ZNF770: variants seen among roughly 807,000 people sequenced by gnomAD.
The protein encoded by ZNF770 is zinc finger protein 770.
In ZNF770, 13 loss-of-function variants were observed where a neutral mutation model predicts 44.8. The ratio of observed to expected loss-of-function variants is 0.29; its 90% CI spans 0.19 to 0.46. ZNF770 has a LOEUF of 0.46. Ranked by LOEUF, ZNF770 falls within the 20% of genes least tolerant of loss-of-function variation. ZNF770 has a pLI of 1.00. For missense variants in ZNF770, 681 were observed against 797.9 expected (o/e 0.85, Z 1.77); for synonymous variants, 304 against 271.8 (o/e 1.12, Z -1.17).
rs1422932651 is a variant in ZNF770, at chr15:34,979,200, A to G, written c.*2159T>C. On this transcript the variant is annotated 3_prime_UTR_variant, in exon 3 of 3. Transcript: ENST00000356321. ...TAAAGTCTCAGAATCATACAAGCAC[A>G]ACACTGTTAGGACTCTCCCTGTTTA... The G allele has an allele frequency of 1.9e-5, 3 of 154,112 alleles. No individual in the cohort carries two copies. Among genetic ancestry groups the G allele is most frequent in the African/African-American group, 7.2e-5 (3 of 41,466 alleles). The allele number at this position is 154,112 out of a possible 1,614,324, so 9.5% of individuals were successfully genotyped here. A position where few individuals can be genotyped will look rare whatever the true frequency, so the allele number is the denominator to read the frequency against.
At position 34,983,240 on chromosome 15, in the gene ZNF770, T is replaced by C. The variant is rs148390832; in HGVS notation, c.195A>G (p.Arg65=). 917 of 1,613,054 alleles carry C rather than the reference T, an allele frequency of 5.7e-4. No individual in the cohort carries two copies. The highest frequency in any genetic ancestry group is 6.9e-4 in the Non-Finnish European group (819 of 1,179,220). The change falls in exon 3 of 3, where the codon AGA becomes AGG. Residue 65 remains arginine (R), a synonymous_variant. Transcript: ENST00000356321. ...GATGCCTCTCCAGATGAACTAGTTG[T>C]CTAAAGGTTTTATGACACACATCAC... ...FECDVCHKTF[R]QLVHLERHQL...
chr15:34,986,549 C>T (rs1289847286), intron 2 of ZNF770, among the ~76,000 whole-genome samples: 1 of 152,166 alleles, frequency 6.6e-6, no homozygotes, highest in Non-Finnish European at 1.5e-5. Flanking sequence ...ATGAGTCAAA[C>T]CAAAAGTAAT....
At position 34,981,122 on chromosome 15, in the gene ZNF770, T is replaced by C; in HGVS notation, c.*237A>G. ...ATACAGCCAAAGTATATGTTTACAA[T>C]ATTAAAATGCCTACTTTATAGCATC... On this transcript the variant is annotated 3_prime_UTR_variant, in exon 3 of 3. Transcript: ENST00000356321. 2.0e-6 allele frequency: 1 copy of C among 490,526 alleles called. No individual in the cohort carries two copies. Among genetic ancestry groups the C allele is most frequent in the Non-Finnish European group, 3.6e-6 (1 of 279,050 alleles). 30.4% of individuals were successfully genotyped at this position (490,526 alleles called of 1,614,324 possible).
At chr15:34,984,880 C>T (rs2050424181) in intron 2 of ZNF770, among the ~76,000 whole-genome samples, 1 of 152,050 alleles carries the variant, frequency 6.6e-6, no homozygotes, top group South Asian at 2.1e-4. Flanking sequence ...CACCTGTAAT[C>T]CCAGCACTTT....
At chr15:34,983,812 A>C (rs2050417847) in intron 2 of ZNF770, among the ~76,000 whole-genome samples, 1 of 152,230 alleles carries the variant, frequency 6.6e-6, no homozygotes, top group South Asian at 2.1e-4. Context: ...CTATTTCATT[A>C]TTAGGTAGAT....
rs1436709079 is a variant in ZNF770, at chr15:34,980,632, C to A, written c.*727G>T. 6.6e-6 allele frequency: 1 copy of A among 152,124 alleles called. No homozygotes were observed. The highest frequency in any genetic ancestry group is 1.5e-5 in the Non-Finnish European group (1 of 68,068). 9.4% of individuals were successfully genotyped at this position (152,124 alleles called of 1,614,324 possible). Reference sequence around the variant, plus strand: ...TCTCTACTAAAAATACAAAAATTAGCCAGGCGTGATGGCAGGCACCTGTAA... The same window carrying A: ...TCTCTACTAAAAATACAAAAATTAGACAGGCGTGATGGCAGGCACCTGTAA... On this transcript the variant is annotated 3_prime_UTR_variant, in exon 3 of 3. Coordinates refer to ENST00000356321, the MANE Select transcript of ZNF770 (RefSeq NM_014106.4).
chr15:34,979,080 T>C lies in ZNF770; in HGVS notation c.*2279A>G, dbSNP rs1298359485. On this transcript the variant is annotated 3_prime_UTR_variant, in exon 3 of 3. Transcript: ENST00000356321. The stretch of plus-strand genomic sequence containing the variant: ...ACTTCAAATAGCACTACAGTACATC[T>C]TTGACAAAATTTTTACAATATTCCA... 2 of 152,682 alleles carry C rather than the reference T, an allele frequency of 1.3e-5. No homozygotes were observed. Among genetic ancestry groups the C allele is most frequent in the Non-Finnish European group, 2.9e-5 (2 of 68,066 alleles). The allele number at this position is 152,682 out of a possible 1,614,324, so 9.5% of individuals were successfully genotyped here. A position where few individuals can be genotyped will look rare whatever the true frequency, so the allele number is the denominator to read the frequency against.
rs1423018638 is a variant in ZNF770 at position 34,979,848 on chromosome 15, C to G, written c.*1511G>C. The G allele has an allele frequency of 2.0e-5, 6 of 301,808 alleles. No homozygotes were observed. Among genetic ancestry groups the G allele is most frequent in the South Asian group, 1.3e-4 (5 of 38,738 alleles). The allele number at this position is 301,808 out of a possible 1,614,324, so 18.7% of individuals were successfully genotyped here. ...CCTTTTATTGCTAGAGAATGTCATT[C>G]CTGAAGATTTTATAAACAAAGGCAA... On this transcript the variant is annotated 3_prime_UTR_variant, in exon 3 of 3. Transcript: ENST00000356321.
intron 2 of ZNF770, among the ~76,000 whole-genome samples, chr15:34,984,432 G>A (rs562059284): frequency 2.6e-5 from 4 of 151,886 alleles, no homozygotes; most frequent in Admixed American, 6.6e-5. Context: ...TGAGGCTGGT[G>A]GATCACCTGA....
rs2050402642 is a variant in ZNF770 at position 34,981,656 on chromosome 15, C to G, written c.1779G>C (p.Gly593=). 1 of 1,613,960 alleles carries G rather than the reference C, an allele frequency of 6.2e-7. No individual in the cohort carries two copies. Among genetic ancestry groups the G allele is most frequent in the African/African-American group, 1.3e-5 (1 of 74,912 alleles). The change falls in exon 3 of 3, where the codon GGG becomes GGC. Residue 593 remains glycine (G), a synonymous_variant. Transcript: ENST00000356321. ...ESQDFIPGST[G]QPCLPNVLLE... ...AAAGTACATTAGGAAGACAGGGTTG[C>G]CCGGTGCTACCAGGAATAAAATCCT...
At position 34,981,506 on chromosome 15, in the gene ZNF770, G is replaced by A. The variant is rs756558627; in HGVS notation, c.1929C>T (p.His643=). 3.1e-6 allele frequency: 5 copies of A among 1,614,204 alleles called. No homozygotes were observed. The highest frequency in any genetic ancestry group is 4.2e-6 in the Non-Finnish European group (5 of 1,180,030). ...GTTTCTGCCCTGCATGAATTAGGTA[G>A]TGTCTTTCCAGTTTAGATGGAGATC... The part of the protein sequence containing the change: ...SFRSPSKLER[H]YLIHAGQKPF... The change falls in exon 3 of 3, where the codon CAC becomes CAT. Residue 643 remains histidine (H), a synonymous_variant. Coordinates refer to ENST00000356321, the MANE Select transcript of ZNF770 (RefSeq NM_014106.4).
Position 34,983,146 on chromosome 15 carries a change from C to A in ZNF770, c.289G>T (p.Val97Leu). Residue 97 changes from valine (V) to leucine (L), a missense_variant, in exon 3 of 3, where the codon GTG (valine) becomes TTG (leucine). Transcript: ENST00000356321. ...QRHFKNLKTF[V>L]KHQQLHNETY... ...TCATTGTGAAGTTGTTGGTGCTTCA[C>A]AAATGTCTTCAGATTTTTAAAGTGA... 1 of 1,613,970 alleles carries A rather than the reference C, an allele frequency of 6.2e-7. No individual in the cohort carries two copies. Among genetic ancestry groups the A allele is most frequent in the Non-Finnish European group, 8.5e-7 (1 of 1,179,968 alleles).
chr15:34,979,717 G>C lies in ZNF770; in HGVS notation c.*1642C>G, dbSNP rs1485118364. On this transcript the variant is annotated 3_prime_UTR_variant, in exon 3 of 3. Transcript: ENST00000356321. Reference sequence around the variant, plus strand: ...AGTTTATGATGCAAAACTTACAATTGTTCATTTATCCACATTCTCAATAGA... The same window carrying C: ...AGTTTATGATGCAAAACTTACAATTCTTCATTTATCCACATTCTCAATAGA... 5 of 440,494 alleles carry C rather than the reference G, an allele frequency of 1.1e-5. No homozygotes were observed. The highest frequency in any genetic ancestry group is 2.3e-5 in the Non-Finnish European group (5 of 220,774). 27.3% of individuals were successfully genotyped at this position (440,494 alleles called of 1,614,324 possible). A position where few individuals can be genotyped will look rare whatever the true frequency, so the allele number is the denominator to read the frequency against.
In ZNF770 at chr15:34,979,039, C is replaced by G. The variant is rs1041850311; in HGVS notation, c.*2320G>C. 6.6e-6 allele frequency: 1 copy of G among 152,604 alleles called. No homozygotes were observed. The highest frequency in any genetic ancestry group is 1.5e-5 in the Non-Finnish European group (1 of 68,030). The allele number at this position is 152,604 out of a possible 1,614,324, so 9.5% of individuals were successfully genotyped here. The stretch of plus-strand genomic sequence containing the variant: ...AGAGTACATGGATACAGAGGGCCAA[C>G]TGTTTTGTTACAGGTACTTCAAATA... On this transcript the variant is annotated 3_prime_UTR_variant, in exon 3 of 3. Transcript: ENST00000356321.
intron 2 of ZNF770, 41 bp from the exon 3 acceptor site, chr15:34,983,531 T>G (rs1324629501): frequency 7.2e-6 from 8 of 1,106,298 alleles, no homozygotes; most frequent in Non-Finnish European, 9.5e-6. Context: ...TTAAAATTAT[T>G]TATTCATATG....
At chr15:34,987,280 G>A (rs2050440990) in intron 2 of ZNF770, among the ~76,000 whole-genome samples, 2 of 152,184 alleles carry the variant, frequency 1.3e-5, no homozygotes, top group Admixed American at 1.3e-4. Context: ...AGCACTTACT[G>A]GGAGCCCTAG....
Position 34,981,505 on chromosome 15 carries a change from A to C in ZNF770, c.1930T>G (p.Tyr644Asp), listed in dbSNP as rs1295050883. The C allele has an allele frequency of 6.2e-7, 1 of 1,614,106 alleles. No homozygotes were observed. Among genetic ancestry groups the C allele is most frequent in the Non-Finnish European group, 8.5e-7 (1 of 1,180,046 alleles). Residue 644 changes from tyrosine to aspartate, a missense_variant, in exon 3 of 3, where the codon TAC becomes GAC. Physicochemically the swap from Tyr to Asp is radical, Grantham distance 160 (BLOSUM62 -3). Around this residue, in one of 5 missense-constraint regions of ZNF770, gnomAD observed 10 missense variants for 33.9 expected, o/e 0.30. Coordinates refer to ENST00000356321, the MANE Select transcript of ZNF770 (RefSeq NM_014106.4). The part of the protein sequence containing the change: ...FRSPSKLERH[Y>D]LIHAGQKPFE... Reference sequence around the variant, plus strand: ...GGTTTCTGCCCTGCATGAATTAGGTAGTGTCTTTCCAGTTTAGATGGAGAT... The same window carrying C: ...GGTTTCTGCCCTGCATGAATTAGGTCGTGTCTTTCCAGTTTAGATGGAGAT...
At position 34,983,126 on chromosome 15, in the gene ZNF770, G is replaced by A; in HGVS notation, c.309C>T (p.His103=). The change falls in exon 3 of 3, where the codon CAC becomes CAT. Residue 103 remains histidine (H), a synonymous_variant. Transcript: ENST00000356321. ...LKTFVKHQQL[H]NETYQNNVKQ... ...TAACATTATTCTGATAGGTTTCATTGTGAAGTTGTTGGTGCTTCACAAATG... is the reference window on the plus strand; with the variant it reads ...TAACATTATTCTGATAGGTTTCATTATGAAGTTGTTGGTGCTTCACAAATG... 6.2e-7 allele frequency: 1 copy of A among 1,614,012 alleles called. No individual in the cohort carries two copies. The highest frequency in any genetic ancestry group is 8.5e-7 in the Non-Finnish European group (1 of 1,179,980).
At position 34,978,773 on chromosome 15, in the gene ZNF770, A is replaced by G. The variant is rs1283025330; in HGVS notation, c.*2586T>C. ...AGTTGTCCCTTGGTATCCATGGGGTATTGGTTCCTGGACCGTCCCCCCAAC... is the reference window on the plus strand; with the variant it reads ...AGTTGTCCCTTGGTATCCATGGGGTGTTGGTTCCTGGACCGTCCCCCCAAC... On this transcript the variant is annotated 3_prime_UTR_variant, in exon 3 of 3. Coordinates refer to ENST00000356321, the MANE Select transcript of ZNF770 (RefSeq NM_014106.4). The G allele has an allele frequency of 6.6e-6, 1 of 152,162 alleles. No individual in the cohort carries two copies. The highest frequency in any genetic ancestry group is 6.6e-5 in the Admixed American group (1 of 15,264). 9.4% of individuals were successfully genotyped at this position (152,162 alleles called of 1,614,324 possible).
Sources: gnomAD v4.1 joint callset for allele counts (sites outside exome capture counted in the v4.1 genomes callset) on GRCh38, gnomAD v4.1.1 for gene constraint, gnomAD v4.1.1 regional missense constraint, MANE v1.5 for transcripts, NCBI Gene and HGNC (gene_info 2026-07-23, HGNC 2026-07-21) for gene names.